The following RARS2 variants were observed in gnomAD, a reference collection of about 807,000 sequenced individuals.
RARS2 encodes the protein probable arginine--tRNA ligase, mitochondrial.
RARS2 carries 67 observed loss-of-function variants against 88.5 expected under a neutral mutation model. The ratio of observed to expected loss-of-function variants is 0.76; its 90% CI spans 0.62 to 0.93. The LOEUF (loss-of-function observed/expected upper bound fraction) is 0.93. Ranked by LOEUF, RARS2 falls within the 40% of genes least tolerant of loss-of-function variation. The pLI, the probability that RARS2 is intolerant of heterozygous loss-of-function variation, is 0.00. For missense variants in RARS2, 664 were observed against 684.2 expected (o/e 0.97, Z 0.33); for synonymous variants, 239 against 230.3 (o/e 1.04, Z -0.34).
intron 8 of RARS2, among the ~76,000 whole-genome samples, chr6:87,533,411 T>C (rs1778173231): frequency 6.6e-6 from 1 of 152,174 alleles, no homozygotes; most frequent in Non-Finnish European, 1.5e-5. Flanking sequence ...AAATGCACAA[T>C]ATAAAACTAA....
chr6:87,548,388 T>A (rs998547575), intron 6 of RARS2, among the ~76,000 whole-genome samples: 15 of 152,212 alleles, frequency 9.9e-5, no homozygotes, highest in Admixed American at 6.5e-5. Context: ...TCTCAGTGAA[T>A]CTTTTGGTTT....
chr6:87,578,953 T>A (rs1772479963), intron 1 of RARS2, among the ~76,000 whole-genome samples: 1 of 76,416 alleles, frequency 1.3e-5, no homozygotes, highest in Non-Finnish European at 2.2e-5. Context: ...AGCGAGAGAC[T>A]GTCTCAAAAA....
At chr6:87,546,136 A>G (rs994524716) in intron 6 of RARS2, among the ~76,000 whole-genome samples, 1 of 152,264 alleles carries the variant, frequency 6.6e-6, no homozygotes, top group Middle Eastern at 3.4e-3. Context: ...AATCACTAAC[A>G]TCTACCCTCT....
chr6:87,550,852 T>C lies in RARS2; in HGVS notation c.396-2206A>G, dbSNP rs1171772664. 4.0e-5 allele frequency among the ~76,000 whole-genome samples: 6 copies of C among 149,670 alleles called. No individual in the cohort carries two copies. The East Asian group carries it at 9.7e-4, about 24-fold the overall frequency. ...AAGTGAAAACAATGTAAAATATGTA[T>C]AGTCTGTTTACAAATGCATAGAACA... On this transcript the variant is annotated intron_variant, in intron 5 of 19. Coordinates refer to ENST00000369536, the MANE Select transcript of RARS2 (RefSeq NM_020320.5).
At chr6:87,548,553 A>G in intron 6 of RARS2, 38 bp downstream of exon 6, 1 of 1,582,050 alleles carries the variant, frequency 6.3e-7, no homozygotes. Context: ...ACTTCCTCAA[A>G]GGAACGTTTA....
intron 1 of RARS2, among the ~76,000 whole-genome samples, chr6:87,583,927 T>C (rs1361370073): frequency 6.6e-6 from 1 of 152,196 alleles, no homozygotes; most frequent in African/African-American, 2.4e-5. Context: ...GTACTGTACA[T>C]TGTATGTGTA....
At chr6:87,536,572 G>A (rs1395469040) in intron 8 of RARS2, among the ~76,000 whole-genome samples, 2 of 151,568 alleles carry the variant, frequency 1.3e-5, no homozygotes, top group African/African-American at 4.9e-5. Flanking sequence ...GGGAGGCAGA[G>A]GTTGCAGTGA....
chr6:87,547,363 A>G (rs1359784897), intron 6 of RARS2, among the ~76,000 whole-genome samples: 1 of 152,226 alleles, frequency 6.6e-6, no homozygotes, highest in African/African-American at 2.4e-5. Flanking sequence ...AATCTATGCC[A>G]CAAGTACTAA....
In RARS2 at chr6:87,562,751, G is replaced by C. The variant is rs1392965482; in HGVS notation, c.248C>G (p.Thr83Ser). ...TTTGAAATTTACAGTCCTTTGACCAGTACTGATTTCACTCACCACTGTATC... is the reference window on the plus strand; with the variant it reads ...TTTGAAATTTACAGTCCTTTGACCACTACTGATTTCACTCACCACTGTATC... ...RCDTVVSEIS[T>S]GQRTVNFKIN... The change falls in exon 4 of 20, where the codon ACT (threonine) becomes AGT (serine). Residue 83 changes from threonine to serine, a missense_variant. Thr to Ser is a moderately conservative substitution (Grantham distance 58). Transcript: ENST00000369536. The C allele has an allele frequency of 6.2e-7, 1 of 1,613,598 alleles. No homozygotes were observed. Among genetic ancestry groups the C allele is most frequent in the Non-Finnish European group, 8.5e-7 (1 of 1,179,556 alleles).
intron 5 of RARS2, 41 bp downstream of exon 5, chr6:87,555,367 T>G: frequency 6.7e-7 from 1 of 1,488,042 alleles, no homozygotes; most frequent in Non-Finnish European, 9.4e-7. Context: ...CTCTGCCCAG[T>G]CAACTTGATT....
At chr6:87,582,535 G>A (rs996054541) in intron 1 of RARS2, among the ~76,000 whole-genome samples, 2 of 152,152 alleles carry the variant, frequency 1.3e-5, no homozygotes, top group African/African-American at 4.8e-5. Context: ...TAGGTTGCCT[G>A]TTTGCTCTGA....
chr6:87,525,979 C>T (rs1488970628), intron 10 of RARS2, among the ~76,000 whole-genome samples: 1 of 151,998 alleles, frequency 6.6e-6, no homozygotes, highest in Non-Finnish European at 1.5e-5. Flanking sequence ...TATCTGTACA[C>T]TGAAAACTAT....
At chr6:87,564,082 A>G (rs766693993) in intron 3 of RARS2, 48 bp downstream of exon 3, 9 of 1,443,026 alleles carry the variant, frequency 6.2e-6, no homozygotes, top group Non-Finnish European at 7.8e-6. Flanking sequence ...ACTTTTTTTA[A>G]TAACAAGTTT....
At chr6:87,569,613 C>T (rs372542204) in intron 1 of RARS2, 23 bp from the exon 2 acceptor site, 7 of 1,550,280 alleles carry the variant, frequency 4.5e-6, no homozygotes, top group Non-Finnish European at 6.2e-6. Flanking sequence ...AAGAACAAAA[C>T]AGTGTAAGAT....
At chr6:87,583,955 C>A (rs149441444) in intron 1 of RARS2, among the ~76,000 whole-genome samples, 2 of 152,280 alleles carry the variant, frequency 1.3e-5, no homozygotes, top group African/African-American at 2.4e-5. Context: ...GCACAATATA[C>A]CACTGTGCTT....
At chr6:87,582,269 T>C (rs1773834538) in intron 1 of RARS2, among the ~76,000 whole-genome samples, 1 of 152,096 alleles carries the variant, frequency 6.6e-6, no homozygotes, top group South Asian at 2.1e-4. Context: ...CCAGCATCTG[T>C]TGTTTCTTGA....
intron 10 of RARS2, among the ~76,000 whole-genome samples, chr6:87,529,195 AG>A (rs1457265337): frequency 6.6e-6 from 1 of 152,186 alleles, no homozygotes; most frequent in Non-Finnish European, 1.5e-5. Context: ...TTGAAAAGGC[AG>A]GGATTTCTTT....
rs188700495 is a variant in RARS2 at position 87,529,523 on chromosome 6, A to C, written c.878+19T>G. On this transcript the variant is annotated intron_variant, in intron 10 of 19. Transcript: ENST00000369536. The stretch of plus-strand genomic sequence containing the variant: ...CAAAGAACAAATAATTTTACTGAAG[A>C]ATAGTAACCTGATCATACATTGTTT... 3.0e-3 allele frequency: 4,209 copies of C among 1,397,740 alleles called. 32 individuals carry two copies. Among genetic ancestry groups the C allele is most frequent in the Non-Finnish European group, 2.7e-3 (2,677 of 983,266 alleles). 86.6% of individuals were successfully genotyped at this position (1,397,740 alleles called of 1,614,324 possible). A position where few individuals can be genotyped will look rare whatever the true frequency, so the allele number is the denominator to read the frequency against.
intron 11 of RARS2, 121 bp from the exon 12 acceptor site, chr6:87,521,645 G>A (rs981308339): frequency 9.5e-6 from 7 of 736,608 alleles, no homozygotes; most frequent in African/African-American, 6.9e-5. Context: ...ACAGCCTGAG[G>A]AATTCCACCC....
Sources: gnomAD v4.1 joint callset for allele counts (sites outside exome capture counted in the v4.1 genomes callset) on GRCh38, gnomAD v4.1.1 for gene constraint, MANE v1.5 for transcripts, NCBI Gene and HGNC (gene_info 2026-07-23, HGNC 2026-07-21) for gene names.